ULK4: variants seen among roughly 807,000 people sequenced by gnomAD.
ULK4 encodes the protein inactive serine/threonine-protein kinase ULK4.
Under a neutral mutation model 160.6 loss-of-function variants are expected in ULK4, and 133 were observed. The observed-to-expected ratio is 0.83, with a 90% CI of 0.72 to 0.96. The LOEUF (loss-of-function observed/expected upper bound fraction) is 0.96. Ranked by LOEUF, ULK4 falls within the 40% of genes least tolerant of loss-of-function variation. The pLI is 0.00. For synonymous variants in ULK4, 534 were observed against 539.8 expected (o/e 0.99, Z 0.15); for missense variants, 1,580 against 1,499.5 (o/e 1.05, Z -0.89).
chr3:41,337,394 A>G (rs1002916657), intron 35 of ULK4, among the ~76,000 whole-genome samples: 2 of 152,090 alleles, frequency 1.3e-5, no homozygotes, highest in South Asian at 2.1e-4. Flanking sequence ...GGACCTGTGT[A>G]AGGGCGAGGC....
intron 2 of ULK4, among the ~76,000 whole-genome samples, chr3:41,948,745 A>T (rs1016028232): frequency 6.6e-6 from 1 of 151,764 alleles, no homozygotes; most frequent in Non-Finnish European, 1.5e-5. Context: ...AAAACTCCAA[A>T]AGCTAGGAAT....
At chr3:41,724,496 G>C (rs1049061665) in intron 22 of ULK4, among the ~76,000 whole-genome samples, 5 of 152,030 alleles carry the variant, frequency 3.3e-5, no homozygotes, top group African/African-American at 1.2e-4. Flanking sequence ...AGGCCGAGGC[G>C]GGTGGATCAT....
At chr3:41,782,861 G>T (rs528887962) in intron 21 of ULK4, among the ~76,000 whole-genome samples, 14 of 152,260 alleles carry the variant, frequency 9.2e-5, no homozygotes, top group African/African-American at 3.1e-4. Flanking sequence ...TGCAAAAGAG[G>T]ACTGTAGGAA....
chr3:41,517,660 G>A (rs1228666182), intron 32 of ULK4, among the ~76,000 whole-genome samples: 1 of 152,120 alleles, frequency 6.6e-6, no homozygotes, highest in African/African-American at 2.4e-5. Flanking sequence ...ATATCTAATG[G>A]TGCCGTGACT....
rs369036097 is a variant in ULK4, at chr3:41,691,184, A to G, written c.2782-9380T>C. Among the ~76,000 whole-genome samples, 17 of 152,030 alleles carry G rather than the reference A, an allele frequency of 1.1e-4. No homozygotes were observed. In the East Asian group the frequency reaches 1.5e-3, roughly 14 times the overall value. On this transcript the variant is annotated intron_variant, in intron 27 of 36. Coordinates refer to ENST00000301831, the MANE Select transcript of ULK4 (RefSeq NM_017886.4). ...CTAGTGGTAAAGGAAGAACTGCCTC[A>G]AGTGAGCATGTGTATAACTCCAGTA... is the stretch of plus-strand genomic sequence containing the variant.
At chr3:41,862,216 GC>G (rs2042514036) in intron 17 of ULK4, among the ~76,000 whole-genome samples, 2 of 147,678 alleles carry the variant, frequency 1.4e-5, no homozygotes, top group South Asian at 4.2e-4. Context: ...GTATTTTTCA[GC>G]TTCAGAATTT....
rs35292590 is a variant in ULK4, at chr3:41,252,609, GAA to G, written c.3679-3037_3679-3036del. On this transcript the variant is annotated intron_variant, in intron 35 of 36. Coordinates refer to ENST00000301831, the MANE Select transcript of ULK4 (RefSeq NM_017886.4). ...TTATCCAATCTCAGCAGCAGAGATT[GAA>G]AAAAAAAAAAAAAAAAGATTGAGAA... is the stretch of plus-strand genomic sequence containing the variant. Among the ~76,000 whole-genome samples, 877 of 104,448 alleles carry G rather than the reference GAA, an allele frequency of 8.4e-3. 10 individuals carry two copies. The highest frequency in any genetic ancestry group is 0.03 in the African/African-American group (762 of 25,448). 68.5% of individuals were successfully genotyped at this position (104,448 alleles called of 152,430 possible).
At chr3:41,259,306 T>G (rs1235196369) in intron 35 of ULK4, among the ~76,000 whole-genome samples, 1 of 152,058 alleles carries the variant, frequency 6.6e-6, no homozygotes, top group South Asian at 2.1e-4. Context: ...AAAGTAGTGG[T>G]TTTAAACACA....
At chr3:41,806,458 C>G (rs891980914) in intron 19 of ULK4, among the ~76,000 whole-genome samples, 14 of 152,076 alleles carry the variant, frequency 9.2e-5, no homozygotes, top group South Asian at 8.3e-4. Context: ...TTAATTTTTT[C>G]AAGGGTTTTT....
intron 11 of ULK4, among the ~76,000 whole-genome samples, chr3:41,910,680 A>C (rs185630770): frequency 1.1e-3 from 168 of 152,316 alleles, no homozygotes; most frequent in African/African-American, 3.9e-3. Flanking sequence ...GTATTTATCC[A>C]AATAAAGAAG....
At chr3:41,917,753 G>A (rs551355438) in intron 7 of ULK4, among the ~76,000 whole-genome samples, 1 of 152,076 alleles carries the variant, frequency 6.6e-6, no homozygotes, top group African/African-American at 2.4e-5. Context: ...AGGCTGAGGT[G>A]GGTGGATCAT....
chr3:41,825,767 T>C (rs1002351857), intron 18 of ULK4, among the ~76,000 whole-genome samples: 1 of 151,924 alleles, frequency 6.6e-6, no homozygotes, highest in African/African-American at 2.4e-5. Context: ...TTCCCCAATC[T>C]AGCAAGGCAG....
At chr3:41,359,258 G>A (rs983095143) in intron 35 of ULK4, among the ~76,000 whole-genome samples, 6 of 152,208 alleles carry the variant, frequency 3.9e-5, no homozygotes, top group Non-Finnish European at 5.9e-5. Context: ...AGCTGACTCC[G>A]TCAGACTCGA....
At chr3:41,595,391 C>A (rs575696519) in intron 31 of ULK4, among the ~76,000 whole-genome samples, 1 of 152,302 alleles carries the variant, frequency 6.6e-6, no homozygotes, top group South Asian at 2.1e-4. Flanking sequence ...CCTCTCGGGG[C>A]ACTGAGCAGG....
intron 35 of ULK4, among the ~76,000 whole-genome samples, chr3:41,381,266 TCTC>T: frequency 6.6e-6 from 1 of 152,282 alleles, no homozygotes; most frequent in South Asian, 2.1e-4. Context: ...CTTGATTCAC[TCTC>T]CTCATTTTAA....
intron 35 of ULK4, among the ~76,000 whole-genome samples, chr3:41,297,301 G>T (rs938357858): frequency 2.0e-5 from 3 of 152,206 alleles, no homozygotes; most frequent in African/African-American, 7.2e-5. Flanking sequence ...CGGGGGGTTG[G>T]AGGGACATGG....
intron 27 of ULK4, among the ~76,000 whole-genome samples, chr3:41,691,567 TC>T (rs1387838087): frequency 6.6e-6 from 1 of 151,614 alleles, no homozygotes; most frequent in Non-Finnish European, 1.5e-5. Flanking sequence ...TAACAATACC[TC>T]CCCCAAAGAT....
intron 35 of ULK4, among the ~76,000 whole-genome samples, chr3:41,390,089 G>GT (rs2081921290): frequency 1.3e-5 from 2 of 152,078 alleles, no homozygotes; most frequent in Non-Finnish European, 2.9e-5. Context: ...CTTCTTCCTG[G>GT]TTTAGTCTTG....
chr3:41,507,168 T>C (rs1329962613), intron 32 of ULK4, among the ~76,000 whole-genome samples: 1 of 85,798 alleles, frequency 1.2e-5, no homozygotes, highest in South Asian at 3.9e-4. Flanking sequence ...ATAATACTAA[T>C]AACCAGGAGC....
Sources: gnomAD v4.1 joint callset for allele counts (sites outside exome capture counted in the v4.1 genomes callset) on GRCh38, gnomAD v4.1.1 for gene constraint, MANE v1.5 for transcripts, NCBI Gene and HGNC (gene_info 2026-07-23, HGNC 2026-07-21) for gene names.